The following PAPOLA variants were observed in gnomAD, a reference collection of about 807,000 sequenced individuals.
PAPOLA encodes polynucleotide adenylyltransferase alpha.
A neutral mutation model predicts 100.6 loss-of-function variants in PAPOLA; 15 were observed. The observed-to-expected ratio is 0.15, with a 90% CI of 0.10 to 0.23. The LOEUF (loss-of-function observed/expected upper bound fraction) is 0.23, where lower values mean the gene tolerates loss of function less well. PAPOLA is among the 10% of genes least tolerant of loss of function. The pLI, the probability that PAPOLA is intolerant of heterozygous loss-of-function variation, is 1.00. For missense variants in PAPOLA, 533 were observed against 884.2 expected (o/e 0.60, Z 5.04); for synonymous variants, 293 against 300.0 (o/e 0.98, Z 0.24).
intron 15 of PAPOLA, among the ~76,000 whole-genome samples, chr14:96,546,309 G>A (rs1900391947): frequency 6.6e-6 from 1 of 152,112 alleles, no homozygotes; most frequent in Admixed American, 6.5e-5. Context: ...CTATAGTGCT[G>A]TTGGATCACT....
intron 1 of PAPOLA, among the ~76,000 whole-genome samples, chr14:96,503,813 A>G (rs1401393633): frequency 1.3e-5 from 2 of 152,012 alleles, no homozygotes; most frequent in Non-Finnish European, 2.9e-5. Flanking sequence ...ACAATTATAT[A>G]TGTGTGTGAA....
At chr14:96,555,772 TA>T (rs1201999117) in intron 17 of PAPOLA, 74 bp from the exon 18 acceptor site, 3 of 724,400 alleles carry the variant, frequency 4.1e-6, no homozygotes, top group African/African-American at 3.6e-5. Flanking sequence ...CTATATATGT[TA>T]TAGATTATTG....
At chr14:96,562,947 G>A in intron 21 of PAPOLA, 54 bp downstream of exon 21, 2 of 1,013,450 alleles carry the variant, frequency 2.0e-6, no homozygotes, top group East Asian at 2.4e-5. Flanking sequence ...AGATTAGTGT[G>A]GTATATTGAA....
At chr14:96,508,215 C>T (rs1033132162) in intron 1 of PAPOLA, among the ~76,000 whole-genome samples, 4 of 152,144 alleles carry the variant, frequency 2.6e-5, no homozygotes, top group African/African-American at 9.7e-5. Context: ...CTGAACACTG[C>T]ACCTCAGCCC....
At chr14:96,526,763 G>T (rs1472039044) in intron 4 of PAPOLA, 1 of 152,418 alleles carries the variant, frequency 6.6e-6, no homozygotes, top group Non-Finnish European at 1.5e-5. Flanking sequence ...TATCCTGTGT[G>T]CTGTACACCG....
In PAPOLA at chr14:96,532,427, T is replaced by A. The variant is rs1384828292; in HGVS notation, c.697+7T>A. On this transcript the variant is annotated splice_region_variant and intron_variant, in intron 8 of 21. Coordinates refer to ENST00000216277, the MANE Select transcript of PAPOLA (RefSeq NM_032632.5). The stretch of plus-strand genomic sequence containing the variant: ...ATCAAACTATGGGCCAAACGTGAGT[T>A]CAGAATTTGTTGGCTAGCTTATTAA... The A allele has an allele frequency of 6.2e-7, 1 of 1,610,062 alleles. No individual in the cohort carries two copies. The highest frequency in any genetic ancestry group is 8.5e-7 in the Non-Finnish European group (1 of 1,178,976).
At chr14:96,517,300 A>C (rs36034232) in intron 1 of PAPOLA, among the ~76,000 whole-genome samples, 1 of 152,228 alleles carries the variant, frequency 6.6e-6, no homozygotes, top group Admixed American at 6.5e-5. Context: ...AATGAATAAC[A>C]CAAGATAATA....
At position 96,566,413 on chromosome 14, in the gene PAPOLA, C is replaced by T. The variant is rs1288121465; in HGVS notation, c.*1363C>T. The T allele has an allele frequency of 6.5e-6, 1 of 152,710 alleles. No homozygotes were observed. The highest frequency in any genetic ancestry group is 1.5e-5 in the Non-Finnish European group (1 of 68,140). The allele number at this position is 152,710 out of a possible 1,614,324, so 9.5% of individuals were successfully genotyped here. A position where few individuals can be genotyped will look rare whatever the true frequency, so the allele number is the denominator to read the frequency against. ...ATGAGGGATGCCAGATGTTGATAAA[C>T]TTACTCTTTCTGAATCTGGACAAAG... On this transcript the variant is annotated 3_prime_UTR_variant, in exon 22 of 22. Transcript: ENST00000216277.
At chr14:96,528,060 T>TTG in intron 6 of PAPOLA, 54 bp downstream of exon 6, 1 of 1,145,234 alleles carries the variant, frequency 8.7e-7, no homozygotes, top group Non-Finnish European at 1.3e-6. Context: ...CTAATTTTGA[T>TTG]TGATATAGGT....
chr14:96,531,458 TTTTG>T lies in PAPOLA; in HGVS notation c.496-11_496-8del. Reference sequence around the variant, plus strand: ...GTAGTTTGACAGATATGGAATGTTGTTTTGTTTGTGTTTCAGATTGATATTTTGT... The same window carrying T: ...GTAGTTTGACAGATATGGAATGTTGTTTTGTGTTTCAGATTGATATTTTGT... On this transcript the variant is annotated splice_polypyrimidine_tract_variant and intron_variant, in intron 6 of 21. Transcript: ENST00000216277. 4 of 1,574,592 alleles carry T rather than the reference TTTTG, an allele frequency of 2.5e-6. No individual in the cohort carries two copies. The highest frequency in any genetic ancestry group is 3.5e-6 in the Non-Finnish European group (4 of 1,155,634).
intron 1 of PAPOLA, chr14:96,502,817 G>T: frequency 4.2e-6 from 2 of 474,774 alleles, no homozygotes; most frequent in Non-Finnish European, 7.2e-6. Context: ...CTTCCTGGCT[G>T]GGTCAGCTGC....
intron 4 of PAPOLA, chr14:96,525,890 T>C (rs1008322825): frequency 1.3e-5 from 2 of 152,406 alleles, no homozygotes; most frequent in African/African-American, 4.8e-5. Context: ...GTTGGAGAGC[T>C]CTTTTGTACA....
chr14:96,528,690 C>G (rs796290136), intron 6 of PAPOLA, among the ~76,000 whole-genome samples: 3 of 152,306 alleles, frequency 2.0e-5, no homozygotes, highest in African/African-American at 7.2e-5. Flanking sequence ...GAGCTTAAAT[C>G]TAGCCTGGCA....
At position 96,555,907 on chromosome 14, in the gene PAPOLA, A is replaced by C. The variant is rs751323810; in HGVS notation, c.1725A>C (p.Glu575Asp). The change falls in exon 18 of 22, where the codon GAA (glutamate) becomes GAC (aspartate). Residue 575 changes from glutamate to aspartate, a missense_variant. Coordinates refer to ENST00000216277, the MANE Select transcript of PAPOLA (RefSeq NM_032632.5). Reference protein sequence around the residue: ...AASVTNIQATEVSVPQVNSSE... With the variant: ...AASVTNIQATDVSVPQVNSSE... The stretch of plus-strand genomic sequence containing the variant: ...CTGTGACCAACATACAGGCTACTGA[A>C]GTTTCTGTGCCACAAGTAAATTCCA... 4 of 1,611,688 alleles carry C rather than the reference A, an allele frequency of 2.5e-6. No individual in the cohort carries two copies. Among genetic ancestry groups the C allele is most frequent in the Non-Finnish European group, 3.4e-6 (4 of 1,177,946 alleles).
intron 3 of PAPOLA, among the ~76,000 whole-genome samples, chr14:96,522,322 G>A (rs775969102): frequency 3.2e-4 from 48 of 151,376 alleles, no homozygotes; most frequent in Middle Eastern, 3.2e-3. Context: ...CTTTTGCCAC[G>A]TTGACCAGCT....
At position 96,556,423 on chromosome 14, in the gene PAPOLA, T is replaced by C. The variant is rs772854985; in HGVS notation, c.2004+10T>C. Reference sequence around the variant, plus strand: ...AACCAAAACAGAAGAGGTATATATATGAAAAACATATTAGTTAGCCATGGC... The same window carrying C: ...AACCAAAACAGAAGAGGTATATATACGAAAAACATATTAGTTAGCCATGGC... On this transcript the variant is annotated intron_variant, in intron 19 of 21. Transcript: ENST00000216277. 15 of 1,542,628 alleles carry C rather than the reference T, an allele frequency of 9.7e-6. No individual in the cohort carries two copies. Among genetic ancestry groups the C allele is most frequent in the Non-Finnish European group, 4.5e-6 (5 of 1,117,372 alleles).
At chr14:96,545,938 T>A (rs754957414) in intron 15 of PAPOLA, among the ~76,000 whole-genome samples, 1 of 152,152 alleles carries the variant, frequency 6.6e-6, no homozygotes, top group Non-Finnish European at 1.5e-5. Context: ...CAAGTTAAGA[T>A]GTTTATCAAA....
intron 16 of PAPOLA, among the ~76,000 whole-genome samples, chr14:96,551,978 TAGTA>T (rs1327301518): frequency 1.3e-5 from 2 of 152,272 alleles, no homozygotes; most frequent in East Asian, 3.9e-4. Flanking sequence ...TATTGACAAA[TAGTA>T]AGGAGTGGCA....
At chr14:96,555,617 C>T (rs1400003242) in intron 17 of PAPOLA, among the ~76,000 whole-genome samples, 2 of 152,094 alleles carry the variant, frequency 1.3e-5, no homozygotes, top group South Asian at 4.1e-4. Context: ...AACATTCTGT[C>T]ATCTCAGGAA....
Sources: gnomAD v4.1 joint callset for allele counts (sites outside exome capture counted in the v4.1 genomes callset) on GRCh38, gnomAD v4.1.1 for gene constraint, MANE v1.5 for transcripts, NCBI Gene and HGNC (gene_info 2026-07-23, HGNC 2026-07-21) for gene names.